The following GPD2 variants were observed in gnomAD, a reference collection of about 807,000 sequenced individuals.
GPD2 encodes glycerol-3-phosphate dehydrogenase, mitochondrial.
In GPD2, 54 loss-of-function variants were observed where a neutral mutation model predicts 82.4. The ratio of observed to expected loss-of-function variants is 0.66; its 90% CI spans 0.53 to 0.82. The LOEUF (loss-of-function observed/expected upper bound fraction) is 0.82, where lower values mean the gene tolerates loss of function less well. Among genes scored for constraint, GPD2 ranks in the 40% least tolerant of loss-of-function variants. The pLI is 0.00. For missense variants in GPD2, 748 were observed against 896.2 expected (o/e 0.83, Z 2.11); for synonymous variants, 288 against 306.1 (o/e 0.94, Z 0.62).
intron 2 of GPD2, among the ~76,000 whole-genome samples, chr2:156,481,367 C>T (rs1683724388): frequency 6.6e-6 from 1 of 151,992 alleles, no homozygotes; most frequent in Admixed American, 6.6e-5. Flanking sequence ...TATTGTTAAC[C>T]ATATTCAGCA....
intron 1 of GPD2, among the ~76,000 whole-genome samples, chr2:156,472,204 T>C (rs978209323): frequency 6.6e-6 from 1 of 152,226 alleles, no homozygotes; most frequent in Non-Finnish European, 1.5e-5. Flanking sequence ...TTTTTTTTGT[T>C]TGTAATCATT....
At chr2:156,491,201 TGTA>T (rs955676943) in intron 2 of GPD2, among the ~76,000 whole-genome samples, 6 of 152,242 alleles carry the variant, frequency 3.9e-5, no homozygotes, top group Non-Finnish European at 7.3e-5. Flanking sequence ...ACTGGAATCA[TGTA>T]GTATGTAGAC....
chr2:156,436,126 C>A (rs1688419387), upstream of GPD2, among the ~76,000 whole-genome samples: 1 of 152,236 alleles, frequency 6.6e-6, no homozygotes, highest in African/African-American at 2.4e-5. Context: ...CCACCTCGCT[C>A]GCCGCCCGCT....
At chr2:156,433,909 G>C (rs755695614), upstream of GPD2, among the ~76,000 whole-genome samples, 25 of 152,166 alleles carry the variant, frequency 1.6e-4, no homozygotes, top group Non-Finnish European at 3.1e-4. Context: ...GGGATAATCA[G>C]TGAGAAGGAA....
chr2:156,486,328 A>G (rs1683936726), intron 2 of GPD2, among the ~76,000 whole-genome samples: 1 of 152,184 alleles, frequency 6.6e-6, no homozygotes, highest in Admixed American at 6.5e-5. Context: ...TGGCATACAA[A>G]ATCAGTGAGG....
chr2:156,509,682 C>T (rs894998224), intron 3 of GPD2, among the ~76,000 whole-genome samples: 1 of 151,846 alleles, frequency 6.6e-6, no homozygotes, highest in Non-Finnish European at 1.5e-5. Flanking sequence ...AGATCTATAA[C>T]AGCCCTCAAG....
At chr2:156,487,415 T>C (rs1683985669) in intron 2 of GPD2, among the ~76,000 whole-genome samples, 1 of 152,210 alleles carries the variant, frequency 6.6e-6, no homozygotes, top group Non-Finnish European at 1.5e-5. Context: ...ACTTCTGATC[T>C]CACTAACTGC....
At chr2:156,530,772 G>T (rs1001339296) in intron 6 of GPD2, among the ~76,000 whole-genome samples, 8 of 152,146 alleles carry the variant, frequency 5.3e-5, no homozygotes, top group Non-Finnish European at 7.4e-5. Flanking sequence ...TGCATCCCAG[G>T]GATGAAGCCC....
At chr2:156,497,387 G>A (rs1264067328) in intron 3 of GPD2, among the ~76,000 whole-genome samples, 1 of 152,108 alleles carries the variant, frequency 6.6e-6, no homozygotes, top group Non-Finnish European at 1.5e-5. Context: ...CAATTGTCTT[G>A]GAGAAGGACT....
At chr2:156,507,326 C>CTT (rs11334405) in intron 3 of GPD2, among the ~76,000 whole-genome samples, 27 of 142,682 alleles carry the variant, frequency 1.9e-4, no homozygotes, top group African/African-American at 6.2e-4. Context: ...TTTTTCTTTT[C>CTT]TTTTTTTTTT....
chr2:156,502,331 C>T (rs1684615959), intron 3 of GPD2, among the ~76,000 whole-genome samples: 2 of 151,992 alleles, frequency 1.3e-5, no homozygotes, highest in African/African-American at 2.4e-5. Context: ...AAAATGTATC[C>T]ATGGCAAAAG....
rs186664769 is a variant in GPD2, at chr2:156,445,952, G to A, written c.-9+9439G>A. On this transcript the variant is annotated intron_variant, in intron 1 of 16. Coordinates refer to ENST00000438166, the MANE Select transcript of GPD2 (RefSeq NM_000408.5). The stretch of plus-strand genomic sequence containing the variant: ...AATTTTTGCTTATATCATGGTCTTT[G>A]TTGGTGGATCACTTTCCTTTCAATG... Among the ~76,000 whole-genome samples the A allele has an allele frequency of 4.9e-4, 75 of 152,258 alleles. 1 individual carries two copies. Among genetic ancestry groups the A allele is most frequent in the African/African-American group, 1.7e-3 (71 of 41,552 alleles).
chr2:156,439,549 A>AAAAAAAAAAAC (rs1558898872), intron 1 of GPD2, among the ~76,000 whole-genome samples: 1 of 140,454 alleles, frequency 7.1e-6, no homozygotes, highest in African/African-American at 2.7e-5. Context: ...ACAAAAAAAA[A>AAAAAAAAAAAC]AAAACAAGCC....
At chr2:156,489,718 T>TCCTCCCTC (rs1684090905) in intron 2 of GPD2, among the ~76,000 whole-genome samples, 1 of 28,818 alleles carries the variant, frequency 3.5e-5, no homozygotes, top group Non-Finnish European at 6.5e-5. Flanking sequence ...CTTCCTTCCT[T>TCCTCCCTC]CCTTCCTCCC....
At chr2:156,401,191 A>T in the GPD2 span, among the ~76,000 whole-genome samples, 1 of 152,246 alleles carries the variant, frequency 6.6e-6, no homozygotes, top group Non-Finnish European at 1.5e-5. Context: ...GTGGCAGGCG[A>T]GAATTCTACC....
At chr2:156,512,402 A>G (rs762200156) in intron 5 of GPD2, 85 bp downstream of exon 5, 21 of 777,252 alleles carry the variant, frequency 2.7e-5, no homozygotes, top group Non-Finnish European at 4.0e-5. Flanking sequence ...CCCTCAATGC[A>G]TATTTCATAA....
At chr2:156,446,918 C>T (rs754892703) in intron 1 of GPD2, among the ~76,000 whole-genome samples, 1 of 151,072 alleles carries the variant, frequency 6.6e-6, no homozygotes, top group Non-Finnish European at 1.5e-5. Flanking sequence ...TTCTCCTTTC[C>T]ACATCATTTT....
chr2:156,577,184 A>G (rs1687852279), intron 13 of GPD2, among the ~76,000 whole-genome samples: 1 of 152,220 alleles, frequency 6.6e-6, no homozygotes, highest in African/African-American at 2.4e-5. Flanking sequence ...GAATCATGTC[A>G]GAAAAATCAA....
intron 1 of GPD2, among the ~76,000 whole-genome samples, chr2:156,474,895 G>C (rs545046662): frequency 2.4e-4 from 36 of 151,320 alleles, no homozygotes; most frequent in African/African-American, 8.5e-4. Flanking sequence ...GTAGGAGATT[G>C]CTTGAGTCCA....
Sources: allele counts gnomAD v4.1 joint callset (sites outside exome capture counted in the v4.1 genomes callset), GRCh38; gene constraint gnomAD v4.1.1; transcripts MANE v1.5; gene names NCBI Gene and HGNC (gene_info 2026-07-23, HGNC 2026-07-21).